CTNNA1: variants seen among roughly 807,000 people sequenced by gnomAD.
CTNNA1 encodes catenin alpha-1.
CTNNA1 carries 37 observed loss-of-function variants against 98.4 expected under a neutral mutation model. The observed-to-expected ratio is 0.38, with a 90% confidence interval of 0.29 to 0.49. The LOEUF is 0.49. Among genes scored for constraint, CTNNA1 ranks in the 20% least tolerant of loss-of-function variants. The pLI is 0.95. For synonymous variants in CTNNA1, 404 were observed against 413.2 expected (o/e 0.98, Z 0.27); for missense variants, 761 against 1,147.2 (o/e 0.66, Z 4.86).
intron 7 of CTNNA1, chr5:138,875,460 C>G: frequency 2.0e-6 from 2 of 985,488 alleles, no homozygotes; most frequent in Non-Finnish European, 1.2e-6. Flanking sequence ...GTAACAGCAT[C>G]GGGGTCGTTG....
At chr5:138,891,304 C>A (rs1224215674) in intron 9 of CTNNA1, 1 of 152,166 alleles carries the variant, frequency 6.6e-6, no homozygotes, top group Non-Finnish European at 1.5e-5. Context: ...TGTATTGGAT[C>A]CTTCAGCAGT....
chr5:138,796,944 C>G (rs997954105), intron 3 of CTNNA1, among the ~76,000 whole-genome samples: 1 of 145,312 alleles, frequency 6.9e-6, no homozygotes, highest in African/African-American at 2.5e-5. Flanking sequence ...ATTGAATCTT[C>G]TTCCCTGCAG....
In CTNNA1 at chr5:138,930,936, G is replaced by T; in HGVS notation, c.2298+1G>T. On this transcript the variant is annotated splice_donor_variant, in intron 16 of 17. Transcript: ENST00000302763. LOFTEE classifies it high-confidence loss of function. ...GCTTGGCCGCACCATTGCAGACCATGTAAGTGACAGACTTGCCAGGTGGGT... is the reference window on the plus strand; with the variant it reads ...GCTTGGCCGCACCATTGCAGACCATTTAAGTGACAGACTTGCCAGGTGGGT... The T allele has an allele frequency of 6.2e-7, 1 of 1,607,360 alleles. No individual in the cohort carries two copies. Among genetic ancestry groups the T allele is most frequent in the Non-Finnish European group, 8.5e-7 (1 of 1,173,816 alleles).
intron 10 of CTNNA1, among the ~76,000 whole-genome samples, chr5:138,914,582 C>T (rs1327874813): frequency 1.3e-5 from 2 of 151,780 alleles, no homozygotes; most frequent in African/African-American, 4.8e-5. Flanking sequence ...GATAATCTAC[C>T]AGTTCTAAGT....
At chr5:138,852,642 A>G (rs1252969078) in intron 7 of CTNNA1, among the ~76,000 whole-genome samples, 1 of 152,128 alleles carries the variant, frequency 6.6e-6, no homozygotes, top group Non-Finnish European at 1.5e-5. Flanking sequence ...AGGCAAAGGT[A>G]ATCTTTTAAA....
chr5:138,762,585 C>T (rs574172090), intron 1 of CTNNA1, among the ~76,000 whole-genome samples: 2 of 151,570 alleles, frequency 1.3e-5, no homozygotes, highest in South Asian at 4.2e-4. Flanking sequence ...TTTCCACTTA[C>T]TTGTTGATGG....
intron 9 of CTNNA1, among the ~76,000 whole-genome samples, chr5:138,888,831 C>T (rs548163518): frequency 3.0e-4 from 46 of 152,170 alleles, no homozygotes; most frequent in South Asian, 8.3e-4. Flanking sequence ...TGAGCCACTG[C>T]GCCTGGCTAG....
chr5:138,846,144 G>T (rs186297963), intron 7 of CTNNA1, among the ~76,000 whole-genome samples: 3 of 152,200 alleles, frequency 2.0e-5, no homozygotes, highest in Admixed American at 1.3e-4. Context: ...TAGAGACAGG[G>T]TTTCACCATC....
At chr5:138,772,582 C>T (rs1179684358) in intron 1 of CTNNA1, among the ~76,000 whole-genome samples, 2 of 152,172 alleles carry the variant, frequency 1.3e-5, no homozygotes, top group South Asian at 2.1e-4. Flanking sequence ...ATAAATTCAG[C>T]TCAACTAATA....
chr5:138,804,584 A>G (rs77864290), intron 3 of CTNNA1, among the ~76,000 whole-genome samples: 2,548 of 152,288 alleles, frequency 0.017, 35 homozygotes, highest in Non-Finnish European at 0.025. Flanking sequence ...TTCACTTAAC[A>G]TATGTTTTGA....
intron 13 of CTNNA1, among the ~76,000 whole-genome samples, chr5:138,928,387 CTCTTT>C (rs28363481): frequency 0.017 from 2,522 of 152,314 alleles, 76 homozygotes; most frequent in African/African-American, 0.056. Flanking sequence ...ATATTCTCCC[CTCTTT>C]TCTTTTGATG....
At chr5:138,843,154 T>C (rs1401804155) in intron 7 of CTNNA1, among the ~76,000 whole-genome samples, 1 of 152,172 alleles carries the variant, frequency 6.6e-6, no homozygotes, top group Non-Finnish European at 1.5e-5. Flanking sequence ...CAGAGTGAGA[T>C]GTATGATTTG....
intron 1 of CTNNA1, among the ~76,000 whole-genome samples, chr5:138,778,291 G>A (rs1264395244): frequency 6.6e-6 from 1 of 152,148 alleles, no homozygotes; most frequent in Admixed American, 6.5e-5. Context: ...TCCGCGCCCG[G>A]CTGCTTTGAC....
intron 7 of CTNNA1, among the ~76,000 whole-genome samples, chr5:138,855,788 T>G (rs1201304219): frequency 6.6e-6 from 1 of 152,232 alleles, no homozygotes; most frequent in Non-Finnish European, 1.5e-5. Flanking sequence ...CAGTAGAATT[T>G]TACTGTCTGG....
intron 7 of CTNNA1, among the ~76,000 whole-genome samples, chr5:138,861,241 G>A (rs1276868789): frequency 1.3e-5 from 2 of 152,000 alleles, no homozygotes; most frequent in African/African-American, 4.8e-5. Flanking sequence ...GGCTGGTCTC[G>A]AACTCCTGAC....
At chr5:138,772,730 A>G (rs1753679482) in intron 1 of CTNNA1, among the ~76,000 whole-genome samples, 1 of 152,246 alleles carries the variant, frequency 6.6e-6, no homozygotes, top group African/African-American at 2.4e-5. Flanking sequence ...TAATAAAACA[A>G]TTCAATGGCT....
chr5:138,764,272 A>C (rs1561498267), intron 1 of CTNNA1, among the ~76,000 whole-genome samples: 1 of 152,014 alleles, frequency 6.6e-6, no homozygotes, highest in African/African-American at 2.4e-5. Context: ...AGGCTGAGGC[A>C]GAAGAATCCC....
chr5:138,904,629 G>A (rs1179562776), intron 10 of CTNNA1, 188 bp downstream of exon 10: 8 of 721,674 alleles, frequency 1.1e-5, no homozygotes, highest in Admixed American at 6.1e-5. Flanking sequence ...ACATTTGCAC[G>A]GGAGATTACA....
intron 7 of CTNNA1, among the ~76,000 whole-genome samples, chr5:138,858,483 T>C (rs534102925): frequency 6.6e-6 from 1 of 152,272 alleles, no homozygotes; most frequent in African/African-American, 2.4e-5. Context: ...TTAAGTGTGC[T>C]ATTGGTGAAT....
Sources: allele counts gnomAD v4.1 joint callset (sites outside exome capture counted in the v4.1 genomes callset), GRCh38; gene constraint gnomAD v4.1.1; transcripts MANE v1.5; gene names NCBI Gene and HGNC (gene_info 2026-07-23, HGNC 2026-07-21).